TPRX2: variants seen among roughly 807,000 people sequenced by gnomAD.
TPRX2 encodes the protein tetrapeptide repeat homeobox 2.
the TPRX2 span, chr19:47,860,893 C>T: frequency 2.0e-6 from 3 of 1,531,392 alleles, no homozygotes; most frequent in East Asian, 2.4e-5. Context: ...GGCCGAGGAG[C>T]CCGCGCTGCG....
chr19:47,859,441 CAG>C, the TPRX2 span, among the ~76,000 whole-genome samples: 2 of 150,514 alleles, frequency 1.3e-5, no homozygotes, highest in East Asian at 3.9e-4. Flanking sequence ...CAGCTGGGCG[CAG>C]AGTCTCACGC....
chr19:47,860,688 CG>C, the TPRX2 span: 5 of 1,037,494 alleles, frequency 4.8e-6, no homozygotes, highest in Admixed American at 9.8e-5. Flanking sequence ...ATGGTGGGTG[CG>C]GGGTGGGGGT....
chr19:47,861,111 A>G, the TPRX2 span: 2 of 704,338 alleles, frequency 2.8e-6, no homozygotes, highest in South Asian at 1.5e-5. Flanking sequence ...CCCTGGCCCA[A>G]TCCCAGCCCC....
the TPRX2 span, chr19:47,860,776 T>C: frequency 2.6e-6 from 4 of 1,531,854 alleles, no homozygotes; most frequent in East Asian, 4.8e-5. Flanking sequence ...CCTTCACACC[T>C]TCTCCCTGTC....
chr19:47,860,558 C>T, the TPRX2 span, among the ~76,000 whole-genome samples: 1 of 151,816 alleles, frequency 6.6e-6, no homozygotes, highest in Admixed American at 6.6e-5. Flanking sequence ...GGAACCCTCC[C>T]TGGCCCCCCG....
the TPRX2 span, chr19:47,860,987 G>A: frequency 4.1e-6 from 5 of 1,215,200 alleles, no homozygotes; most frequent in Non-Finnish European, 2.3e-6. Flanking sequence ...CCCCTCAGCC[G>A]GGCCCCTGGG....
At chr19:47,860,522 C>T in the TPRX2 span, among the ~76,000 whole-genome samples, 2 of 151,640 alleles carry the variant, frequency 1.3e-5, no homozygotes, top group Non-Finnish European at 1.5e-5. Flanking sequence ...CCTCAGGCAC[C>T]CGTGAGAACC....
chr19:47,859,521 C>T, the TPRX2 span, among the ~76,000 whole-genome samples: 3 of 149,240 alleles, frequency 2.0e-5, no homozygotes, highest in Non-Finnish European at 4.4e-5. Flanking sequence ...TGAAACCAGC[C>T]GAGCCAACAT....
At chr19:47,860,694 G>C in the TPRX2 span, 1 of 1,307,694 alleles carries the variant, frequency 7.6e-7, no homozygotes, top group East Asian at 2.5e-5. Context: ...GGTGCGGGGT[G>C]GGGGTGAACA....
At chr19:47,859,553 A>G in the TPRX2 span, among the ~76,000 whole-genome samples, 1 of 147,674 alleles carries the variant, frequency 6.8e-6, no homozygotes, top group South Asian at 2.2e-4. Context: ...GTCTTTAGCA[A>G]AAATACAAAA....
the TPRX2 span, among the ~76,000 whole-genome samples, chr19:47,859,823 G>A: frequency 2.0e-5 from 3 of 151,088 alleles, no homozygotes; most frequent in Non-Finnish European, 4.5e-5. Context: ...TTGGATGGGA[G>A]GGGACGGGGC....
chr19:47,860,963 G>A, the TPRX2 span: 3 of 1,410,652 alleles, frequency 2.1e-6, no homozygotes, highest in African/African-American at 2.8e-5. Flanking sequence ...CGCAGGGCAG[G>A]GGTTCCTGGA....
the TPRX2 span, chr19:47,861,175 T>G: frequency 3.0e-6 from 2 of 667,404 alleles, no homozygotes; most frequent in African/African-American, 3.6e-5. Flanking sequence ...GCCCCGAATT[T>G]AGGCCCAATG....
the TPRX2 span, chr19:47,860,724 G>C: frequency 1.2e-5 from 18 of 1,453,632 alleles, no homozygotes; most frequent in Non-Finnish European, 1.6e-5. Flanking sequence ...TTTTGAGGCC[G>C]GCGCCGCCCC....
At chr19:47,860,977 C>T in the TPRX2 span, 6 of 1,325,098 alleles carry the variant, frequency 4.5e-6, no homozygotes, top group Middle Eastern at 3.6e-4. Context: ...TCCTGGATCT[C>T]CCCTCAGCCG....
the TPRX2 span, chr19:47,861,226 C>A: frequency 3.3e-5 from 19 of 575,482 alleles, no homozygotes; most frequent in African/African-American, 3.3e-4. Flanking sequence ...CCAATACCAG[C>A]CCCCATCTCT....
At chr19:47,859,729 A>G in the TPRX2 span, among the ~76,000 whole-genome samples, 1 of 149,154 alleles carries the variant, frequency 6.7e-6, no homozygotes, top group African/African-American at 2.5e-5. Flanking sequence ...AGAAAGAAGG[A>G]AAGAAATTAA....
At chr19:47,861,678 G>A in the TPRX2 span, among the ~76,000 whole-genome samples, 4 of 152,218 alleles carry the variant, frequency 2.6e-5, no homozygotes, top group Non-Finnish European at 4.4e-5. Context: ...TGCTGTGAAT[G>A]TGCCTGCCTG....
chr19:47,859,260 GT>G, the TPRX2 span, among the ~76,000 whole-genome samples: 1 of 151,162 alleles, frequency 6.6e-6, no homozygotes, highest in African/African-American at 2.5e-5. Flanking sequence ...CAAGACCCTG[GT>G]CATCTCCAAG....
Sources: allele counts gnomAD v4.1 joint callset (sites outside exome capture counted in the v4.1 genomes callset), GRCh38; gene constraint gnomAD v4.1.1; transcripts MANE v1.5; gene names NCBI Gene and HGNC (gene_info 2026-07-23, HGNC 2026-07-21).